The following SYT14 variants were observed in gnomAD, a reference collection of about 807,000 sequenced individuals.
The protein encoded by SYT14 is synaptotagmin 14.
In SYT14, 32 loss-of-function variants were observed where a neutral mutation model predicts 74.2. The observed-to-expected ratio is 0.43, with a 90% confidence interval of 0.33 to 0.58. SYT14 has a LOEUF of 0.58. SYT14 is among the 20% of genes least tolerant of loss of function. SYT14 has a pLI of 0.05. For synonymous variants in SYT14, 298 were observed against 337.7 expected, an observed-to-expected ratio of 0.88 and a Z score of 1.29; for missense variants, 791 against 981.8, an observed-to-expected ratio of 0.81 and a Z score of 2.60.
rs193259826 is a variant in SYT14, at chr1:210,093,313, C to A, written c.1313-1009C>A. On this transcript the variant is annotated intron_variant, in intron 5 of 9. Coordinates refer to ENST00000637265, the Ensembl canonical transcript of SYT14. ...AACTCCATAACAATGATAGTACAAA[C>A]TACTGTTTCAGGGTCCCTTTTGAGA... Among the ~76,000 whole-genome samples the A allele has an allele frequency of 3.7e-3, 569 of 152,090 alleles. 1 individual carries two copies. Among genetic ancestry groups the A allele is most frequent in the Non-Finnish European group, 6.8e-3 (463 of 68,000 alleles).
intron 2 of SYT14, among the ~76,000 whole-genome samples, chr1:209,968,190 G>A (rs965889145): frequency 6.6e-6 from 1 of 152,106 alleles, no homozygotes; most frequent in African/African-American, 2.4e-5. Context: ...TTAGGTCATT[G>A]ACTGAGACCT....
chr1:210,024,007 G>A (rs1326395279), intron 5 of SYT14, among the ~76,000 whole-genome samples: 3 of 152,130 alleles, frequency 2.0e-5, no homozygotes, highest in South Asian at 4.1e-4. Flanking sequence ...TTTTAAGCAG[G>A]AGAGTGTGAT....
At chr1:210,010,314 C>G (rs2080063818) in intron 2 of SYT14, among the ~76,000 whole-genome samples, 1 of 152,114 alleles carries the variant, frequency 6.6e-6, no homozygotes, top group Non-Finnish European at 1.5e-5. Flanking sequence ...ATTCATTCAT[C>G]CATCCATCCA....
intron 2 of SYT14, among the ~76,000 whole-genome samples, chr1:209,973,103 C>T (rs1416726445): frequency 6.6e-6 from 1 of 150,808 alleles, no homozygotes; most frequent in African/African-American, 2.4e-5. Context: ...ATGCATTTCT[C>T]TGTCCTTTTT....
intron 2 of SYT14, among the ~76,000 whole-genome samples, chr1:209,974,693 G>A (rs571782049): frequency 2.0e-5 from 3 of 151,914 alleles, no homozygotes; most frequent in East Asian, 1.9e-4. Context: ...TTGGCAATGC[G>A]GGCTCTTTTT....
chr1:210,147,583 C>A (rs1008826600), intron 7 of SYT14, among the ~76,000 whole-genome samples: 2 of 152,152 alleles, frequency 1.3e-5, no homozygotes, highest in African/African-American at 4.8e-5. Flanking sequence ...GTGTAACATA[C>A]TACATGCTAG....
At chr1:210,170,618 T>A (rs2102749425) in exon 10 of SYT14, 1 of 152,296 alleles carries the variant, frequency 6.6e-6, no homozygotes, top group East Asian at 1.9e-4. Context: ...AGTACTCACA[T>A]GGAATGGGTA....
chr1:209,993,040 G>A (rs1224784576), intron 2 of SYT14, among the ~76,000 whole-genome samples: 9 of 152,164 alleles, frequency 5.9e-5, no homozygotes, highest in Admixed American at 4.6e-4. Flanking sequence ...GTGGACATGC[G>A]AGCTGGCAGA....
chr1:210,161,930 A>T (rs1190372331), exon 10 of SYT14: 1 of 452,300 alleles, frequency 2.2e-6, no homozygotes, highest in Non-Finnish European at 4.4e-6. Flanking sequence ...CATTTTTTAC[A>T]AACTGAAAAT....
At chr1:209,970,289 G>GT (rs879722011) in intron 2 of SYT14, among the ~76,000 whole-genome samples, 23 of 152,198 alleles carry the variant, frequency 1.5e-4, no homozygotes, top group African/African-American at 4.8e-4. Flanking sequence ...TAGTAATCCA[G>GT]TTTTTCCAGC....
intron 2 of SYT14, among the ~76,000 whole-genome samples, chr1:209,986,357 GC>G (rs1227534385): frequency 6.6e-6 from 1 of 152,096 alleles, no homozygotes; most frequent in Non-Finnish European, 1.5e-5. Flanking sequence ...TGTAGTCCTA[GC>G]ACTTTGGGAG....
chr1:210,107,957 G>A (rs2082189219), intron 7 of SYT14, among the ~76,000 whole-genome samples: 1 of 152,080 alleles, frequency 6.6e-6, no homozygotes. Context: ...GTCAGAAAGG[G>A]CCAGGGAATT....
intron 3 of SYT14, 24 bp downstream of exon 3, chr1:210,013,821 CTT>C (rs1354837963): frequency 7.5e-6 from 12 of 1,604,538 alleles, no homozygotes; most frequent in Admixed American, 5.1e-5. Flanking sequence ...TGCTGCTTCT[CTT>C]GTTTGTTCTT....
intron 5 of SYT14, among the ~76,000 whole-genome samples, chr1:210,090,316 CTTAA>C (rs1247307049): frequency 1.3e-5 from 2 of 151,818 alleles, no homozygotes; most frequent in Non-Finnish European, 2.9e-5. Context: ...TGTATTGAGA[CTTAA>C]TTAATTGCTC....
chr1:210,094,582 C>T (rs2081936142), exon 6 of SYT14: 1 of 1,613,822 alleles, frequency 6.2e-7, no homozygotes, highest in South Asian at 1.1e-5. Context: ...CACTGCAGTC[C>T]TGAGCCCTGA....
At chr1:210,104,528 G>C (rs929971418) in intron 7 of SYT14, among the ~76,000 whole-genome samples, 1 of 152,146 alleles carries the variant, frequency 6.6e-6, no homozygotes, top group East Asian at 1.9e-4. Flanking sequence ...CTCATAATTT[G>C]AACTCTTATA....
intron 5 of SYT14, among the ~76,000 whole-genome samples, chr1:210,032,865 A>T (rs2080572500): frequency 7.5e-6 from 1 of 132,908 alleles, no homozygotes; most frequent in Non-Finnish European, 1.6e-5. Flanking sequence ...GCGTACCTAT[A>T]CGTTTGCACT....
intron 5 of SYT14, among the ~76,000 whole-genome samples, chr1:210,052,987 T>G (rs1374314037): frequency 6.6e-6 from 1 of 152,180 alleles, no homozygotes; most frequent in Non-Finnish European, 1.5e-5. Context: ...GTATTACAAT[T>G]TTATACAATA....
At chr1:210,085,898 A>C (rs2081719273) in intron 5 of SYT14, among the ~76,000 whole-genome samples, 1 of 152,168 alleles carries the variant, frequency 6.6e-6, no homozygotes, top group Non-Finnish European at 1.5e-5. Flanking sequence ...TTATGGCCTC[A>C]TAAAATAAGT....
Sources: gnomAD v4.1 joint callset for allele counts (sites outside exome capture counted in the v4.1 genomes callset) on GRCh38, gnomAD v4.1.1 for gene constraint, MANE v1.5 for transcripts, NCBI Gene and HGNC (gene_info 2026-07-23, HGNC 2026-07-21) for gene names.